SDK2: variants seen among roughly 807,000 people sequenced by gnomAD.
SDK2 encodes sidekick cell adhesion molecule 2.
In SDK2, 105 loss-of-function variants were observed where a neutral mutation model predicts 253.9. That is an observed-to-expected ratio of 0.41 (90% CI 0.35 to 0.49). The LOEUF (loss-of-function observed/expected upper bound fraction) is 0.49. Ranked by LOEUF, SDK2 falls within the 20% of genes least tolerant of loss-of-function variation. The pLI is 0.06. For synonymous variants in SDK2, 1,249 were observed against 1,234.9 expected (o/e 1.01, Z -0.24); for missense variants, 2,608 against 3,003.0 (o/e 0.87, Z 3.07).
intron 41 of SDK2, 140 bp from the exon 42 acceptor site, chr17:73,350,930 T>A: frequency 1.2e-6 from 1 of 850,820 alleles, no homozygotes; most frequent in Non-Finnish European, 1.8e-6. Flanking sequence ...AGAACCTCTG[T>A]AAGGACAGTT....
chr17:73,394,647 C>T (rs1381788586), intron 25 of SDK2, among the ~76,000 whole-genome samples: 1 of 152,182 alleles, frequency 6.6e-6, no homozygotes. Flanking sequence ...GGAGAGCTGT[C>T]TGTCATTTAA....
intron 1 of SDK2, among the ~76,000 whole-genome samples, chr17:73,636,859 T>G (rs933856248): frequency 6.6e-6 from 1 of 152,166 alleles, no homozygotes; most frequent in Non-Finnish European, 1.5e-5. Context: ...AGTCATTTAT[T>G]AAACAAGTGC....
In SDK2 at chr17:73,365,299, T is replaced by C. The variant is rs1243587248; in HGVS notation, c.5264A>G (p.Glu1755Gly). The change falls in exon 38 of 45, where the codon GAG becomes GGG. Residue 1755 changes from glutamate to glycine, a missense_variant. Glu to Gly is a moderately conservative substitution (Grantham distance 98). Around this residue, in one of 2 missense-constraint regions of SDK2, gnomAD observed 1,103 missense variants for 1,143.9 expected, o/e 0.96. Coordinates refer to ENST00000392650, the MANE Select transcript of SDK2 (RefSeq NM_001144952.2). ...EAPQFPNGIL[E>G]GYRLVYEPCS... ...GGGCTCGTACACCAGCCTGTAGCCC[T>C]CCAGGATGCCATTGGGGAACTGCGG... The C allele has an allele frequency of 2.5e-6, 4 of 1,613,116 alleles. No homozygotes were observed. Among genetic ancestry groups the C allele is most frequent in the Non-Finnish European group, 3.4e-6 (4 of 1,179,602 alleles).
chr17:73,401,538 G>A, intron 20 of SDK2, 116 bp downstream of exon 20: 1 of 973,194 alleles, frequency 1.0e-6, no homozygotes, highest in Non-Finnish European at 1.6e-6. Context: ...TTCTAAGAAA[G>A]CATGGGTTGG....
At chr17:73,553,228 AG>A (rs11313190) in intron 1 of SDK2, among the ~76,000 whole-genome samples, 76,356 of 152,016 alleles carry the variant, frequency 0.5, 20,122 homozygotes, top group African/African-American at 0.67. Flanking sequence ...GAGATGGGGC[AG>A]GACAGGCCAC....
intron 4 of SDK2, among the ~76,000 whole-genome samples, chr17:73,454,084 T>C (rs1237727933): frequency 6.6e-6 from 1 of 152,258 alleles, no homozygotes; most frequent in Non-Finnish European, 1.5e-5. Context: ...TACAGGTTTA[T>C]AGCCTAGGAG....
At position 73,629,996 on chromosome 17, in the gene SDK2, C is replaced by T. The variant is rs867802131; in HGVS notation, c.64+14029G>A. On this transcript the variant is annotated intron_variant, in intron 1 of 44. Transcript: ENST00000392650. This position sits in a 1 kb window ranked among gnomAD's most constrained non-coding sequence, Gnocchi z 5.0. ...GAATGAGTGCTGGTCAATACCAACC[C>T]CCCACCAGGTGCAAGGCCATCACCA... 6.6e-6 allele frequency among the ~76,000 whole-genome samples: 1 copy of T among 152,090 alleles called. No individual in the cohort carries two copies. Among genetic ancestry groups the T allele is most frequent in the African/African-American group, 2.4e-5 (1 of 41,406 alleles).
At position 73,383,969 on chromosome 17, in the gene SDK2, G is replaced by A. The variant is rs199630308; in HGVS notation, c.4612C>T (p.Arg1538Trp). The A allele has an allele frequency of 1.9e-5, 31 of 1,613,870 alleles. No homozygotes were observed. Among genetic ancestry groups the A allele is most frequent in the Non-Finnish European group, 2.5e-5 (29 of 1,179,856 alleles). ...TAGAGCAGCTCCCGGTATCGGATCC[G>A]GAAGCCCAGGAGGATGCCATTGATC... ...DKINGILLGF[R>W]IRYRELLYEG... is the part of the protein sequence containing the mutation. The change falls in exon 33 of 45, where the codon CGG becomes TGG. Residue 1538 changes from arginine (R) to tryptophan (W), a missense_variant. By Grantham distance (101) the Arg-to-Trp change is moderately radical. Transcript: ENST00000392650. The surrounding 1 kb of genome is among the most constrained non-coding windows in gnomAD (Gnocchi z 4.3).
chr17:73,349,940 A>G (rs2062519447), intron 43 of SDK2, among the ~76,000 whole-genome samples: 1 of 152,050 alleles, frequency 6.6e-6, no homozygotes, highest in Non-Finnish European at 1.5e-5. Flanking sequence ...TTTGCCAGTT[A>G]TTTGCATTCT....
At position 73,358,085 on chromosome 17, in the gene SDK2, G is replaced by T. The variant is rs1439008909; in HGVS notation, c.5587C>A (p.Pro1863Thr). The change falls in exon 40 of 45, where the codon CCT (proline) becomes ACT (threonine). Residue 1863 changes from proline (P) to threonine (T), a missense_variant. Transcript: ENST00000392650. The part of the protein sequence containing the change: ...PITRYVIEAR[P>T]SDEGLWDILI... ...CCAGCAGGGCGGGGCGCACCTGAAGGTCTGGCCTCGATGACGTAGCGGGTG... is the reference window on the plus strand; with the variant it reads ...CCAGCAGGGCGGGGCGCACCTGAAGTTCTGGCCTCGATGACGTAGCGGGTG... The T allele has an allele frequency of 6.2e-7, 1 of 1,613,072 alleles. No individual in the cohort carries two copies. The highest frequency in any genetic ancestry group is 8.5e-7 in the Non-Finnish European group (1 of 1,179,742).
At chr17:73,391,011 A>ACCCTGGGTG (rs2062923918) in intron 28 of SDK2, among the ~76,000 whole-genome samples, 1 of 152,124 alleles carries the variant, frequency 6.6e-6, no homozygotes, top group Non-Finnish European at 1.5e-5. Flanking sequence ...GCCGACCGGA[A>ACCCTGGGTG]CCCTGGGTGT....
At chr17:73,549,869 ACT>A (rs1285339162) in intron 1 of SDK2, among the ~76,000 whole-genome samples, 1 of 152,046 alleles carries the variant, frequency 6.6e-6, no homozygotes, top group Non-Finnish European at 1.5e-5. Context: ...CAGAAAGATC[ACT>A]CTGGCTGCAA....
At chr17:73,474,193 A>G (rs2063670653) in intron 2 of SDK2, among the ~76,000 whole-genome samples, 1 of 152,130 alleles carries the variant, frequency 6.6e-6, no homozygotes, top group South Asian at 2.1e-4. Flanking sequence ...TTAAACTTAA[A>G]TTTTACACAA....
At chr17:73,385,371 C>G (rs963562611) in intron 32 of SDK2, among the ~76,000 whole-genome samples, 2 of 152,186 alleles carry the variant, frequency 1.3e-5, no homozygotes, top group Admixed American at 1.3e-4. Flanking sequence ...TTTCTCTCTA[C>G]TTGCACAGTG....
At chr17:73,605,900 A>G in intron 1 of SDK2, among the ~76,000 whole-genome samples, 1 of 151,988 alleles carries the variant, frequency 6.6e-6, no homozygotes, top group South Asian at 2.1e-4. Context: ...CAAGCCCGGG[A>G]AAGCTGACAC....
intron 16 of SDK2, among the ~76,000 whole-genome samples, chr17:73,418,010 G>GTTGT (rs2063196808): frequency 7.8e-6 from 1 of 128,258 alleles, no homozygotes; most frequent in Admixed American, 9.0e-5. Flanking sequence ...TCCTAGATGA[G>GTTGT]TTTTTTTTTT....
intron 18 of SDK2, among the ~76,000 whole-genome samples, chr17:73,410,605 C>G (rs755423450): frequency 2.3e-4 from 35 of 152,330 alleles, no homozygotes; most frequent in Middle Eastern, 6.8e-3. Context: ...GCATGAGCCA[C>G]CACCCCCGGC....
In SDK2 at chr17:73,353,700, A is replaced by ATTTTTTTT. The variant is rs11370066; in HGVS notation, c.5594-1071_5594-1064dup. 6.2e-5 allele frequency among the ~76,000 whole-genome samples: 6 copies of ATTTTTTTT among 97,222 alleles called. 1 individual carries two copies. The highest frequency in any genetic ancestry group is 4.2e-5 in the African/African-American group (1 of 23,902). 63.8% of individuals were successfully genotyped at this position (97,222 alleles called of 152,430 possible). A position where few individuals can be genotyped will look rare whatever the true frequency, so the allele number is the denominator to read the frequency against. On this transcript the variant is annotated intron_variant, in intron 40 of 44. Coordinates refer to ENST00000392650, the MANE Select transcript of SDK2 (RefSeq NM_001144952.2). The stretch of plus-strand genomic sequence containing the variant: ...AGGTGTGAGCCACTGTGCCTGGCCA[A>ATTTTTTTT]TTTTTTTTTTTTTTTTTTTTTGAGA...
chr17:73,358,319 C>T (rs551613799), intron 39 of SDK2, 115 bp from the exon 40 acceptor site: 61 of 1,333,576 alleles, frequency 4.6e-5, no homozygotes, highest in Admixed American at 3.8e-4. Flanking sequence ...GACAGAGAGC[C>T]GCCAGGAAGC....
Sources: allele counts gnomAD v4.1 joint callset (sites outside exome capture counted in the v4.1 genomes callset), GRCh38; gene constraint gnomAD v4.1.1; regional missense constraint gnomAD v4.1.1; non-coding constraint Gnocchi (gnomAD v3.1); transcripts MANE v1.5; gene names NCBI Gene and HGNC (gene_info 2026-07-23, HGNC 2026-07-21).